The following NAF1 variants were observed in gnomAD, a reference collection of about 807,000 sequenced individuals.
The protein encoded by NAF1 is H/ACA ribonucleoprotein complex non-core subunit NAF1.
NAF1 carries 11 observed loss-of-function variants against 40.6 expected under a neutral mutation model. That is an observed-to-expected ratio of 0.27 (90% CI 0.17 to 0.45). The LOEUF (loss-of-function observed/expected upper bound fraction) is 0.45, where lower values mean the gene tolerates loss of function less well. Among genes scored for constraint, NAF1 ranks in the 20% least tolerant of loss-of-function variants. NAF1 has a pLI of 1.00. For synonymous variants in NAF1, 260 were observed against 228.5 expected (o/e 1.14, Z -1.24); for missense variants, 607 against 611.1 (o/e 0.99, Z 0.07).
downstream of NAF1, chr4:163,127,106 A>G (rs1730682016): frequency 1.3e-6 from 2 of 1,551,250 alleles, no homozygotes; most frequent in Non-Finnish European, 1.7e-6. Flanking sequence ...TCTGTGAGAT[A>G]TACCTGTACC....
At chr4:163,152,662 A>G (rs1273916139) in intron 2 of NAF1, among the ~76,000 whole-genome samples, 2 of 152,218 alleles carry the variant, frequency 1.3e-5, no homozygotes, top group Non-Finnish European at 2.9e-5. Flanking sequence ...CAGTGATCCT[A>G]CTGAGAGGTG....
In NAF1 at chr4:163,148,432, T is replaced by C; in HGVS notation, c.543A>G (p.Glu181=). The change falls in exon 3 of 8, where the codon GAA becomes GAG. Residue 181 remains glutamate, a splice_region_variant and synonymous_variant. Transcript: ENST00000274054. ...LKTKDELLLN[E]LPSVEELTII... ...TAGTGAGTTCTTCAACAGAAGGCAGTTCCTATAATTTAAAACAAAACAAAA... is the reference window on the plus strand; with the variant it reads ...TAGTGAGTTCTTCAACAGAAGGCAGCTCCTATAATTTAAAACAAAACAAAA... 6.4e-7 allele frequency: 1 copy of C among 1,560,432 alleles called. No homozygotes were observed. Among genetic ancestry groups the C allele is most frequent in the East Asian group, 2.3e-5 (1 of 43,458 alleles).
chr4:163,150,912 C>G (rs1225515568), intron 2 of NAF1, among the ~76,000 whole-genome samples: 1 of 152,070 alleles, frequency 6.6e-6, no homozygotes, highest in Non-Finnish European at 1.5e-5. Flanking sequence ...ACAACCTTGC[C>G]ATTACTGATA....
chr4:163,125,244 T>C (rs1411580224), downstream of NAF1, among the ~76,000 whole-genome samples: 1 of 152,222 alleles, frequency 6.6e-6, no homozygotes, highest in Non-Finnish European at 1.5e-5. Flanking sequence ...TGTACATCTC[T>C]CACTTTACAT....
chr4:163,133,091 T>C lies in NAF1; in HGVS notation c.1033+63A>G, dbSNP rs1170581361. ...CCAGATGTTTCCTTCAGTTTTATTA[T>C]TGATAAACTTATATAGATGTAAATG... On this transcript the variant is annotated intron_variant, in intron 7 of 7. Coordinates refer to ENST00000274054, the MANE Select transcript of NAF1 (RefSeq NM_138386.3). 84 of 1,343,096 alleles carry C rather than the reference T, an allele frequency of 6.3e-5. 1 individual carries two copies. The highest frequency in any genetic ancestry group is 1.3e-4 in the Admixed American group (7 of 54,796). 83.2% of individuals were successfully genotyped at this position (1,343,096 alleles called of 1,614,324 possible).
chr4:163,157,348 C>A (rs1209361880), intron 2 of NAF1: 1 of 152,024 alleles, frequency 6.6e-6, no homozygotes, highest in African/African-American at 2.4e-5. Flanking sequence ...TCCACAAATA[C>A]TAAAAACACA....
At chr4:163,117,636 G>T (rs1730380409) in intron 2 of NAF1, 1 of 117,978 alleles carries the variant, frequency 8.5e-6, no homozygotes, top group African/African-American at 3.3e-5. Context: ...TGTCTCCTAG[G>T]ATACTAAGTC....
intron 4 of NAF1, among the ~76,000 whole-genome samples, chr4:163,142,917 C>G (rs180739377): frequency 1.8e-4 from 27 of 152,292 alleles, no homozygotes; most frequent in Admixed American, 1.6e-3. Flanking sequence ...CATATCCCTT[C>G]TTGGTCATTC....
intron 4 of NAF1, among the ~76,000 whole-genome samples, chr4:163,142,604 T>G (rs1731304092): frequency 6.6e-6 from 1 of 152,198 alleles, no homozygotes; most frequent in South Asian, 2.1e-4. Flanking sequence ...ATGAAATCAT[T>G]ATAAAGTTTT....
intron 3 of NAF1, among the ~76,000 whole-genome samples, chr4:163,147,094 C>T (rs1448286419): frequency 2.6e-5 from 4 of 151,940 alleles, no homozygotes; most frequent in Non-Finnish European, 5.9e-5. Context: ...AACTCTAAAA[C>T]TAGTAAATGT....
intron 2 of NAF1, among the ~76,000 whole-genome samples, chr4:163,152,713 G>A (rs922686835): frequency 1.3e-5 from 2 of 152,204 alleles, no homozygotes; most frequent in African/African-American, 2.4e-5. Flanking sequence ...CTCACTCTCC[G>A]CGCCTCCTCT....
chr4:163,125,071 T>C (rs1730614920), downstream of NAF1, among the ~76,000 whole-genome samples: 1 of 152,226 alleles, frequency 6.6e-6, no homozygotes, highest in Admixed American at 6.5e-5. Flanking sequence ...CCATATAATA[T>C]AGTGAACTTA....
rs1283792309 is a variant in NAF1 at position 163,166,606 on chromosome 4, T to C, written c.122A>G (p.Gln41Arg). 1 of 1,610,512 alleles carries C rather than the reference T, an allele frequency of 6.2e-7. No individual in the cohort carries two copies. The highest frequency in any genetic ancestry group is 8.5e-7 in the Non-Finnish European group (1 of 1,179,252). The change falls in exon 1 of 8, where the codon CAG becomes CGG. Residue 41 changes from glutamine to arginine, a missense_variant. Gln to Arg is a conservative substitution (Grantham distance 43). Transcript: ENST00000274054. ...SPGSAPVPGT[Q>R]PPLQSFEGSP... ...CCCCTCAAACGACTGTAGCGGCGGC[T>C]GTGTCCCTGGCACAGGGGCAGAGCC...
chr4:163,159,168 GTATT>G (rs1399959731), intron 2 of NAF1, among the ~76,000 whole-genome samples: 4 of 151,940 alleles, frequency 2.6e-5, no homozygotes, highest in Non-Finnish European at 4.4e-5. Context: ...GAATAAAACA[GTATT>G]TATTTCATGT....
chr4:163,158,068 G>C (rs1178526450), intron 2 of NAF1, among the ~76,000 whole-genome samples: 4 of 152,232 alleles, frequency 2.6e-5, no homozygotes, highest in Non-Finnish European at 5.9e-5. Context: ...GGACAACAGA[G>C]GTTGGTGGGA....
chr4:163,114,751 C>G (rs1730274029), intron 2 of NAF1, among the ~76,000 whole-genome samples: 1 of 152,020 alleles, frequency 6.6e-6, no homozygotes, highest in South Asian at 2.1e-4. Flanking sequence ...GTGACATTGT[C>G]TCTTATTTTT....
intron 6 of NAF1, among the ~76,000 whole-genome samples, chr4:163,134,282 A>C (rs1730975394): frequency 1.3e-5 from 2 of 152,186 alleles, no homozygotes; most frequent in Non-Finnish European, 2.9e-5. Context: ...TACACATTTA[A>C]AAAGAAGAAA....
intron 2 of NAF1, among the ~76,000 whole-genome samples, chr4:163,159,421 T>G (rs1359797397): frequency 1.3e-5 from 2 of 152,078 alleles, no homozygotes; most frequent in Non-Finnish European, 2.9e-5. Flanking sequence ...ATACATATAG[T>G]AATAAAAACC....
chr4:163,129,822 C>T (rs1345104346), intron 7 of NAF1, among the ~76,000 whole-genome samples: 11 of 152,194 alleles, frequency 7.2e-5, no homozygotes, highest in East Asian at 3.9e-4. Flanking sequence ...CTCTTTTACA[C>T]TGGGGCAATG....
Sources: gnomAD v4.1 joint callset for allele counts (sites outside exome capture counted in the v4.1 genomes callset) on GRCh38, gnomAD v4.1.1 for gene constraint, MANE v1.5 for transcripts, NCBI Gene and HGNC (gene_info 2026-07-23, HGNC 2026-07-21) for gene names.